The following MGAT4C variants were observed in gnomAD, a reference collection of about 807,000 sequenced individuals.
MGAT4C encodes alpha-1,3-mannosyl-glycoprotein 4-beta-N-acetylglucosaminyltransferase C.
Under a neutral mutation model 40.1 loss-of-function variants are expected in MGAT4C, and 19 were observed. The ratio of observed to expected loss-of-function variants is 0.47; its 90% CI spans 0.33 to 0.70. MGAT4C has a LOEUF of 0.70. Among genes scored for constraint, MGAT4C ranks in the 30% least tolerant of loss-of-function variants. MGAT4C has a pLI of 0.02. For synonymous variants in MGAT4C, 181 were observed against 187.1 expected, an observed-to-expected ratio of 0.97 and a Z score of 0.27; for missense variants, 491 against 563.2, an observed-to-expected ratio of 0.87 and a Z score of 1.30.
intron 1 of MGAT4C, among the ~76,000 whole-genome samples, chr12:86,778,512 A>C (rs1951780621): frequency 6.6e-6 from 1 of 152,172 alleles, no homozygotes; most frequent in Non-Finnish European, 1.5e-5. Flanking sequence ...CTATATTCAA[A>C]ATGAGCAAAG....
intron 2 of MGAT4C, among the ~76,000 whole-genome samples, chr12:86,666,490 G>GA (rs1362385766): frequency 2.0e-5 from 3 of 150,942 alleles, no homozygotes; most frequent in South Asian, 2.1e-4. Context: ...TTGCTCTTTT[G>GA]AAAAAAAATG....
intron 2 of MGAT4C, among the ~76,000 whole-genome samples, chr12:86,614,441 G>A (rs1219899669): frequency 6.6e-6 from 1 of 152,050 alleles, no homozygotes; most frequent in African/African-American, 2.4e-5. Flanking sequence ...GATAATATAT[G>A]CTTTAGGTAA....
chr12:86,139,714 C>T (rs1882555377), intron 1 of MGAT4C, among the ~76,000 whole-genome samples: 1 of 151,848 alleles, frequency 6.6e-6, no homozygotes, highest in Non-Finnish European at 1.5e-5. Context: ...ATAAGAGTTT[C>T]TTTAAATAAG....
At chr12:86,132,191 A>G (rs747478608) in intron 1 of MGAT4C, among the ~76,000 whole-genome samples, 1 of 152,176 alleles carries the variant, frequency 6.6e-6, no homozygotes, top group Non-Finnish European at 1.5e-5. Context: ...AGTACTCAAT[A>G]AATACTTTCT....
At chr12:86,619,298 A>C (rs188949380) in intron 2 of MGAT4C, among the ~76,000 whole-genome samples, 1 of 152,186 alleles carries the variant, frequency 6.6e-6, no homozygotes, top group Admixed American at 6.5e-5. Flanking sequence ...CAACTCCTTA[A>C]TCTTTTATTT....
chr12:86,524,089 T>C (rs1165889419), intron 2 of MGAT4C, among the ~76,000 whole-genome samples: 2 of 152,196 alleles, frequency 1.3e-5, no homozygotes, highest in Admixed American at 6.5e-5. Context: ...CTCACTTACA[T>C]TCCAGGTTGG....
At position 86,627,442 on chromosome 12, in the gene MGAT4C, G is replaced by C. The variant is rs145374615; in HGVS notation, c.-229+99767C>G. Among the ~76,000 whole-genome samples, 262 of 152,166 alleles carry C rather than the reference G, an allele frequency of 1.7e-3. 1 individual carries two copies. Among genetic ancestry groups the C allele is most frequent in the African/African-American group, 6.0e-3 (251 of 41,532 alleles). Reference sequence around the variant, plus strand: ...TCAAGTGGGACCCTGACCCCGTGTAGCCTAACTTGGAGACACCTCCAAGTA... The same window carrying C: ...TCAAGTGGGACCCTGACCCCGTGTACCCTAACTTGGAGACACCTCCAAGTA... On this transcript the variant is annotated intron_variant, in intron 2 of 7. Coordinates refer to the MGAT4C transcript ENST00000548651.
At chr12:86,023,694 G>A (rs1199493854) in intron 2 of MGAT4C, among the ~76,000 whole-genome samples, 1 of 150,804 alleles carries the variant, frequency 6.6e-6, no homozygotes, top group African/African-American at 2.4e-5. Flanking sequence ...ACATAATACT[G>A]TTGTTTGTAG....
At chr12:86,164,286 G>C (rs879563605) in intron 1 of MGAT4C, among the ~76,000 whole-genome samples, 4 of 152,150 alleles carry the variant, frequency 2.6e-5, no homozygotes, top group Non-Finnish European at 5.9e-5. Flanking sequence ...TTTGGTAAAG[G>C]TAAGTTGCCA....
At chr12:86,385,069 T>TA (rs1956025742) in intron 3 of MGAT4C, among the ~76,000 whole-genome samples, 1 of 152,152 alleles carries the variant, frequency 6.6e-6, no homozygotes, top group South Asian at 2.1e-4. Flanking sequence ...AAAATTCAAC[T>TA]AAAAAAATGA....
At chr12:85,982,781 G>C (rs1212109055) in intron 4 of MGAT4C, among the ~76,000 whole-genome samples, 1 of 152,098 alleles carries the variant, frequency 6.6e-6, no homozygotes, top group Admixed American at 6.5e-5. Context: ...GATATAATTA[G>C]TTAAGGATCT....
chr12:86,186,943 G>A (rs1306433606), intron 1 of MGAT4C, among the ~76,000 whole-genome samples: 1 of 152,102 alleles, frequency 6.6e-6, no homozygotes, highest in South Asian at 2.1e-4. Context: ...AGTGTTAGCA[G>A]GCCAGCTTGG....
intron 3 of MGAT4C, among the ~76,000 whole-genome samples, chr12:86,408,479 C>CTGTATATATATATATATATATA (rs1267344319): frequency 6.3e-5 from 4 of 63,370 alleles, no homozygotes; most frequent in African/African-American, 3.1e-4. Context: ...CTCTCTCTCT[C>CTGTATATATATATATATATATA]TATATATATA....
At chr12:86,632,412 AC>A (rs950172684) in intron 2 of MGAT4C, among the ~76,000 whole-genome samples, 1 of 152,170 alleles carries the variant, frequency 6.6e-6, no homozygotes, top group Non-Finnish European at 1.5e-5. Context: ...CTGGGTATAT[AC>A]CCAAAGTATT....
At chr12:86,799,394 A>G (rs2136201343) in intron 1 of MGAT4C, among the ~76,000 whole-genome samples, 1 of 151,934 alleles carries the variant, frequency 6.6e-6, no homozygotes, top group African/African-American at 2.4e-5. Context: ...GTGCTTTAAA[A>G]TCTCAGTTTT....
chr12:86,305,749 T>C (rs1247816050), intron 4 of MGAT4C, among the ~76,000 whole-genome samples: 2 of 150,472 alleles, frequency 1.3e-5, no homozygotes, highest in Non-Finnish European at 2.9e-5. Flanking sequence ...CCTAATACAA[T>C]ATAAATTATA....
At chr12:86,169,274 A>T (rs914905511) in intron 1 of MGAT4C, among the ~76,000 whole-genome samples, 1 of 152,148 alleles carries the variant, frequency 6.6e-6, no homozygotes, top group Non-Finnish European at 1.5e-5. Flanking sequence ...TTGGGTCTTC[A>T]TAAGTTTGCC....
chr12:86,414,345 A>G (rs1019882730), intron 3 of MGAT4C, among the ~76,000 whole-genome samples: 6 of 152,134 alleles, frequency 3.9e-5, no homozygotes, highest in African/African-American at 1.4e-4. Flanking sequence ...AGAAAAATAC[A>G]TTTTTGTTTT....
At chr12:86,211,342 C>T (rs1467424760) in intron 1 of MGAT4C, among the ~76,000 whole-genome samples, 1 of 130,358 alleles carries the variant, frequency 7.7e-6, no homozygotes, top group Non-Finnish European at 1.5e-5. Context: ...ATGGGCGGAT[C>T]ATGAGGTCAA....
Sources: allele counts gnomAD v4.1 joint callset (sites outside exome capture counted in the v4.1 genomes callset), GRCh38; gene constraint gnomAD v4.1.1; transcripts MANE v1.5; gene names NCBI Gene and HGNC (gene_info 2026-07-23, HGNC 2026-07-21).